SGCD: variants seen among roughly 807,000 people sequenced by gnomAD.
SGCD encodes the protein sarcoglycan delta, also known as delta-sarcoglycan.
Under a neutral mutation model 36.6 loss-of-function variants are expected in SGCD, and 18 were observed. The ratio of observed to expected loss-of-function variants is 0.49; its 90% CI spans 0.34 to 0.73. SGCD has a LOEUF of 0.73. SGCD is among the 30% of genes least tolerant of loss of function. The pLI is 0.01. For synonymous variants in SGCD, 133 were observed against 130.6 expected (o/e 1.02, Z -0.12); for missense variants, 387 against 346.7 (o/e 1.12, Z -0.92).
the SGCD span, among the ~76,000 whole-genome samples, chr5:155,833,453 G>T: frequency 6.6e-6 from 1 of 152,154 alleles, no homozygotes; most frequent in Non-Finnish European, 1.5e-5. Context: ...GGGCCTTCAA[G>T]AGACCTCCTT....
chr5:156,503,054 C>A (rs370516961), intron 3 of SGCD, among the ~76,000 whole-genome samples: 1 of 152,082 alleles, frequency 6.6e-6, no homozygotes, highest in East Asian at 1.9e-4. Context: ...GGGGATTTGG[C>A]ATGTTTGAGG....
chr5:156,044,091 G>A (rs1355471291), intron 1 of SGCD, among the ~76,000 whole-genome samples: 1 of 152,152 alleles, frequency 6.6e-6, no homozygotes, highest in African/African-American at 2.4e-5. Flanking sequence ...AGAGGCAGGG[G>A]ATGTTTGCTC....
In SGCD at chr5:156,465,513, C is replaced by T. The variant is rs972797145; in HGVS notation, c.193-43088C>T. On this transcript the variant is annotated intron_variant, in intron 3 of 8. Transcript: ENST00000337851. ...TTTTAGACATCTCCGTAAGTACAAA[C>T]GCACAGCACAGTTTGTTTCCTTTGG... 1.2e-4 allele frequency among the ~76,000 whole-genome samples: 18 copies of T among 152,256 alleles called. No homozygotes were observed. In the East Asian group the frequency reaches 2.5e-3, roughly 21 times the overall value.
At chr5:156,251,969 G>A (rs1436928493) in intron 3 of SGCD, among the ~76,000 whole-genome samples, 3 of 152,028 alleles carry the variant, frequency 2.0e-5, no homozygotes, top group African/African-American at 4.8e-5. Context: ...ATGCTCCTAA[G>A]CTTAACTATA....
intron 3 of SGCD, among the ~76,000 whole-genome samples, chr5:156,206,492 C>T (rs1432758599): frequency 6.6e-6 from 1 of 151,986 alleles, no homozygotes; most frequent in African/African-American, 2.4e-5. Flanking sequence ...TACCTGTTTC[C>T]CTATGGCCTC....
intron 6 of SGCD, among the ~76,000 whole-genome samples, chr5:156,625,660 C>T (rs922534725): frequency 1.3e-5 from 2 of 152,158 alleles, no homozygotes; most frequent in South Asian, 2.1e-4. Flanking sequence ...TCCATTGTCC[C>T]AGGTGAGGCT....
intron 1 of SGCD, among the ~76,000 whole-genome samples, chr5:156,083,438 G>C (rs1013905712): frequency 6.6e-6 from 1 of 151,866 alleles, no homozygotes; most frequent in Non-Finnish European, 1.5e-5. Flanking sequence ...GGGATTACAG[G>C]CATGCGCCAC....
chr5:156,461,397 A>G (rs1192007252), intron 3 of SGCD, among the ~76,000 whole-genome samples: 12 of 152,260 alleles, frequency 7.9e-5, no homozygotes, highest in Non-Finnish European at 4.4e-5. Flanking sequence ...GAAATTCTGG[A>G]AGAAAGAAAA....
chr5:155,954,314 T>G (rs1757603332), intron 1 of SGCD, among the ~76,000 whole-genome samples: 1 of 152,188 alleles, frequency 6.6e-6, no homozygotes, highest in Non-Finnish European at 1.5e-5. Context: ...GCTTCTTAGG[T>G]CATAAATTCG....
intron 3 of SGCD, among the ~76,000 whole-genome samples, chr5:156,426,262 T>A (rs924370047): frequency 6.6e-6 from 1 of 152,040 alleles, no homozygotes; most frequent in Non-Finnish European, 1.5e-5. Context: ...ACCACCTTAC[T>A]CCTCTAAGCT....
intron 8 of SGCD, among the ~76,000 whole-genome samples, chr5:156,758,538 T>C (rs1757421938): frequency 6.6e-6 from 1 of 152,170 alleles, no homozygotes; most frequent in Non-Finnish European, 1.5e-5. Context: ...TTAGAAGAGA[T>C]AGTCAGAACA....
intron 3 of SGCD, among the ~76,000 whole-genome samples, chr5:156,498,935 C>CCTGTGTGTGT (rs149269957): frequency 0.17 from 25,923 of 149,252 alleles, 2,424 homozygotes; most frequent in Non-Finnish European, 0.22. Context: ...ATGTGTGCTA[C>CCTGTGTGTGT]GTGTGTGTGT....
At chr5:156,020,712 G>A (rs749222335) in intron 1 of SGCD, among the ~76,000 whole-genome samples, 4 of 152,220 alleles carry the variant, frequency 2.6e-5, no homozygotes, top group South Asian at 2.1e-4. Flanking sequence ...AAGGTAGAAC[G>A]AATTATTATT....
At chr5:156,691,869 AG>A (rs1478361184) in intron 7 of SGCD, among the ~76,000 whole-genome samples, 14 of 152,340 alleles carry the variant, frequency 9.2e-5, no homozygotes, top group Non-Finnish European at 1.5e-5. Flanking sequence ...ATTAGCACCA[AG>A]TTTCATCTGT....
intron 1 of SGCD, among the ~76,000 whole-genome samples, chr5:156,092,637 G>A (rs1761272797): frequency 6.6e-6 from 1 of 152,206 alleles, no homozygotes; most frequent in Non-Finnish European, 1.5e-5. Context: ...CCAAAGGAAA[G>A]GCTTTATCTT....
At chr5:156,281,325 A>T (rs1003346872) in intron 3 of SGCD, among the ~76,000 whole-genome samples, 2 of 152,148 alleles carry the variant, frequency 1.3e-5, no homozygotes, top group Admixed American at 6.6e-5. Context: ...TCTCTTTGTG[A>T]TAATGAAGAT....
At chr5:156,715,905 G>A (rs1289275408) in intron 7 of SGCD, among the ~76,000 whole-genome samples, 1 of 152,222 alleles carries the variant, frequency 6.6e-6, no homozygotes, top group East Asian at 1.9e-4. Flanking sequence ...GACAAGGTAA[G>A]CAGGTCAGAA....
intron 6 of SGCD, among the ~76,000 whole-genome samples, chr5:156,634,532 T>C (rs1022859097): frequency 1.3e-5 from 2 of 152,164 alleles, no homozygotes; most frequent in Admixed American, 6.5e-5. Context: ...AGAACTCTTA[T>C]CTACTGAATG....
At chr5:156,218,689 A>G (rs1314697725) in intron 3 of SGCD, among the ~76,000 whole-genome samples, 1 of 152,190 alleles carries the variant, frequency 6.6e-6, no homozygotes, top group Non-Finnish European at 1.5e-5. Flanking sequence ...ATTTTGTACA[A>G]CTACCCACAG....
Sources: gnomAD v4.1 joint callset for allele counts (sites outside exome capture counted in the v4.1 genomes callset) on GRCh38, gnomAD v4.1.1 for gene constraint, MANE v1.5 for transcripts, NCBI Gene and HGNC (gene_info 2026-07-23, HGNC 2026-07-21) for gene names.